MAGI2: variants seen among roughly 807,000 people sequenced by gnomAD.
The protein encoded by MAGI2 is membrane associated guanylate kinase, WW and PDZ domain containing 2, also known as membrane-associated guanylate kinase, WW and PDZ domain-containing protein 2.
Under a neutral mutation model 133.3 loss-of-function variants are expected in MAGI2, and 35 were observed. That is an observed-to-expected ratio of 0.26 (90% CI 0.20 to 0.35). MAGI2 has a LOEUF of 0.35. MAGI2 is among the 10% of genes least tolerant of loss of function. The pLI is 1.00. For synonymous variants in MAGI2, 729 were observed against 710.6 expected (o/e 1.03, Z -0.41); for missense variants, 1,636 against 1,863.4 (o/e 0.88, Z 2.25).
At chr7:78,432,469 A>G (rs909239324) in intron 6 of MAGI2, among the ~76,000 whole-genome samples, 1 of 152,100 alleles carries the variant, frequency 6.6e-6, no homozygotes, top group African/African-American at 2.4e-5. Context: ...TAAGATTCTC[A>G]AGAAAATAAG....
intron 9 of MAGI2, among the ~76,000 whole-genome samples, chr7:78,324,185 T>TAC (rs753100148): frequency 6.7e-6 from 1 of 149,754 alleles, no homozygotes; most frequent in Non-Finnish European, 1.5e-5. Flanking sequence ...TACACTACAC[T>TAC]ACACTACACT....
At chr7:78,182,440 T>C (rs1021721116) in intron 13 of MAGI2, among the ~76,000 whole-genome samples, 23 of 152,200 alleles carry the variant, frequency 1.5e-4, no homozygotes, top group African/African-American at 5.3e-4. Context: ...GTGTTAGCCA[T>C]AGTAGAAGCC....
At chr7:78,430,044 A>C (rs905257677) in intron 6 of MAGI2, among the ~76,000 whole-genome samples, 2 of 152,128 alleles carry the variant, frequency 1.3e-5, no homozygotes, top group African/African-American at 4.8e-5. Context: ...CATTTCCCAC[A>C]CTTTAATGTG....
In MAGI2 at chr7:79,058,700, T is replaced by C. The variant is rs1813402577; in HGVS notation, c.302-51494A>G. On this transcript the variant is annotated intron_variant, in intron 1 of 21. Transcript: ENST00000354212. ...ATAGGAGGTAGGAGAATAACAGAAATAAATAAAAGGAAGGATATAAAAGTT... is the reference window on the plus strand; with the variant it reads ...ATAGGAGGTAGGAGAATAACAGAAACAAATAAAAGGAAGGATATAAAAGTT... Among the ~76,000 whole-genome samples, 3 of 151,866 alleles carry C rather than the reference T, an allele frequency of 2.0e-5. No homozygotes were observed. In the South Asian group the frequency reaches 6.2e-4, roughly 32 times the overall value.
chr7:79,286,598 C>T (rs202176432), intron 1 of MAGI2, among the ~76,000 whole-genome samples: 1 of 151,374 alleles, frequency 6.6e-6, no homozygotes, highest in South Asian at 2.1e-4. Flanking sequence ...AGCTCAGAAA[C>T]AGCCCAAAAT....
intron 1 of MAGI2, among the ~76,000 whole-genome samples, chr7:79,229,672 A>G (rs1218180092): frequency 6.6e-6 from 1 of 152,228 alleles, no homozygotes; most frequent in Admixed American, 6.5e-5. Context: ...CCAGTTGCAG[A>G]CAGAGATAAC....
At chr7:79,160,197 G>A (rs373041541) in intron 1 of MAGI2, among the ~76,000 whole-genome samples, 5 of 151,756 alleles carry the variant, frequency 3.3e-5, no homozygotes, top group African/African-American at 7.3e-5. Context: ...ATATGTTTTC[G>A]GTAAAGTTTA....
intron 3 of MAGI2, among the ~76,000 whole-genome samples, chr7:78,584,421 GAAAAAAA>G (rs57844382): frequency 1.2e-5 from 1 of 83,936 alleles, no homozygotes; most frequent in Non-Finnish European, 2.4e-5. Flanking sequence ...CTCCGTCTCA[GAAAAAAA>G]AAAAAAAAAA....
intron 4 of MAGI2, among the ~76,000 whole-genome samples, chr7:78,516,032 A>G (rs1034971460): frequency 2.6e-4 from 39 of 152,356 alleles, no homozygotes; most frequent in African/African-American, 8.7e-4. Flanking sequence ...AAATTGTATT[A>G]CTGTCATTCA....
chr7:78,677,730 A>C (rs1030321166), intron 2 of MAGI2, among the ~76,000 whole-genome samples: 2 of 152,070 alleles, frequency 1.3e-5, no homozygotes, highest in African/African-American at 4.8e-5. Flanking sequence ...GGCATTTATT[A>C]CATAATTTCG....
intron 6 of MAGI2, among the ~76,000 whole-genome samples, chr7:78,466,624 G>A (rs1255324866): frequency 2.0e-5 from 3 of 152,298 alleles, no homozygotes; most frequent in South Asian, 2.1e-4. Flanking sequence ...AAATGGTGCT[G>A]CTGTAGGGAA....
intron 2 of MAGI2, among the ~76,000 whole-genome samples, chr7:78,667,112 A>T (rs1169289501): frequency 6.6e-6 from 1 of 152,028 alleles, no homozygotes; most frequent in Non-Finnish European, 1.5e-5. Context: ...GGTGCCCTTT[A>T]CTCATTTTCC....
chr7:78,403,924 T>G (rs1449389366), intron 6 of MAGI2, among the ~76,000 whole-genome samples: 1 of 152,204 alleles, frequency 6.6e-6, no homozygotes, highest in Non-Finnish European at 1.5e-5. Context: ...CCCCATCATC[T>G]TAGCCCAAAA....
intron 9 of MAGI2, among the ~76,000 whole-genome samples, chr7:78,282,177 G>T (rs1235233856): frequency 7.4e-6 from 1 of 135,896 alleles, no homozygotes; most frequent in Non-Finnish European, 1.5e-5. Flanking sequence ...AAGAAGCTTT[G>T]GAATATAATC....
intron 20 of MAGI2, among the ~76,000 whole-genome samples, chr7:78,119,989 C>T (rs1820271090): frequency 6.6e-6 from 1 of 152,146 alleles, no homozygotes; most frequent in Non-Finnish European, 1.5e-5. Flanking sequence ...TATGGAAAAT[C>T]TACATAAATG....
chr7:78,148,845 T>C (rs1823576473), intron 16 of MAGI2, among the ~76,000 whole-genome samples: 1 of 152,184 alleles, frequency 6.6e-6, no homozygotes, highest in Admixed American at 6.5e-5. Context: ...TGAAAGGTCT[T>C]AATGTCTATG....
intron 1 of MAGI2, among the ~76,000 whole-genome samples, chr7:79,395,508 T>C (rs1844983448): frequency 6.6e-6 from 1 of 152,152 alleles, no homozygotes; most frequent in Non-Finnish European, 1.5e-5. Flanking sequence ...TGGTTTGACT[T>C]CTCCACATCT....
At chr7:79,349,462 TTAATAA>T (rs150162426) in intron 1 of MAGI2, among the ~76,000 whole-genome samples, 3 of 151,462 alleles carry the variant, frequency 2.0e-5, no homozygotes, top group South Asian at 2.1e-4. Context: ...ATTCTTTTAG[TTAATAA>T]TAATAATAAT....
chr7:78,562,531 C>T lies in MAGI2; in HGVS notation c.539-40886G>A, dbSNP rs149404906. Among the ~76,000 whole-genome samples, 808 of 152,252 alleles carry T rather than the reference C, an allele frequency of 5.3e-3. 6 individuals are homozygous for T. The highest frequency in any genetic ancestry group is 0.016 in the African/African-American group (649 of 41,548). On this transcript the variant is annotated intron_variant, in intron 3 of 21. Transcript: ENST00000354212. ...TAGAATGAATGCAAAAAGGCATCTG[C>T]TATTTATAAACAGTTGATGGTGATT... is the stretch of plus-strand genomic sequence containing the variant.
Sources: gnomAD v4.1 joint callset for allele counts (sites outside exome capture counted in the v4.1 genomes callset) on GRCh38, gnomAD v4.1.1 for gene constraint, MANE v1.5 for transcripts, NCBI Gene and HGNC (gene_info 2026-07-23, HGNC 2026-07-21) for gene names.